Variants in MED13L observed in about 807,000 individuals in gnomAD.
MED13L encodes mediator of RNA polymerase II transcription subunit 13-like.
In MED13L, 7 loss-of-function variants were observed where a neutral mutation model predicts 220.9. The observed-to-expected ratio is 0.03, with a 90% CI of 0.02 to 0.06. The LOEUF (loss-of-function observed/expected upper bound fraction) is 0.06. Among genes scored for constraint, MED13L ranks in the 10% least tolerant of loss-of-function variants. The pLI is 1.00. For missense variants in MED13L, 1,965 were observed against 2,760.5 expected, an observed-to-expected ratio of 0.71 and a Z score of 6.46; for synonymous variants, 1,011 against 1,015.2, an observed-to-expected ratio of 1.00 and a Z score of 0.08.
At chr12:116,119,425 T>C (rs530205047) in intron 2 of MED13L, among the ~76,000 whole-genome samples, 4 of 152,234 alleles carry the variant, frequency 2.6e-5, no homozygotes, top group East Asian at 1.9e-4. Context: ...GTAGCGCCGA[T>C]TGTAAAAGTG....
chr12:116,110,917 TG>T (rs779948236), intron 3 of MED13L, among the ~76,000 whole-genome samples: 17 of 152,184 alleles, frequency 1.1e-4, no homozygotes, highest in Non-Finnish European at 2.5e-4. Flanking sequence ...AGAACTGTTC[TG>T]GATTTAAAGA....
In MED13L at chr12:116,277,346, C is replaced by CTGCCT. The variant is rs1873962280; in HGVS notation, c.-216_-215insAGGCA. 3 of 122,546 alleles carry CTGCCT rather than the reference C, an allele frequency of 2.4e-5. No homozygotes were observed. Among genetic ancestry groups the CTGCCT allele is most frequent in the East Asian group, 2.8e-4 (1 of 3,580 alleles). 7.6% of individuals were successfully genotyped at this position (122,546 alleles called of 1,614,324 possible). On this transcript the variant is annotated 5_prime_UTR_variant, in exon 1 of 31. Coordinates refer to ENST00000281928, the MANE Select transcript of MED13L (RefSeq NM_015335.5). ...CCCGGGCTGGCGGGGGGGGCGCGCG[C>CTGCCT]CCCGGGCCGGCGCTGCGGGCCGGCC...
intron 2 of MED13L, among the ~76,000 whole-genome samples, chr12:116,153,115 G>T (rs769584583): frequency 2.0e-5 from 3 of 152,110 alleles, no homozygotes; most frequent in Non-Finnish European, 2.9e-5. Flanking sequence ...TTAAATTAGT[G>T]TGTAACATAA....
At chr12:116,256,678 A>G (rs1208580858) in intron 1 of MED13L, among the ~76,000 whole-genome samples, 1 of 137,454 alleles carries the variant, frequency 7.3e-6, no homozygotes, top group East Asian at 2.3e-4. Context: ...AAGAAAACAA[A>G]CTACTTTTTT....
intron 3 of MED13L, chr12:116,110,338 C>T (rs1008472060): frequency 6.7e-6 from 1 of 150,308 alleles, no homozygotes; most frequent in African/African-American, 2.5e-5. Flanking sequence ...ATCCATGGGT[C>T]CCAATTTACA....
chr12:116,241,162 C>T (rs750389157), intron 1 of MED13L, among the ~76,000 whole-genome samples: 2 of 151,460 alleles, frequency 1.3e-5, no homozygotes, highest in East Asian at 2.0e-4. Flanking sequence ...CAAAAATTAG[C>T]GGGGCGTGGT....
At chr12:116,191,349 G>T (rs976080455) in intron 2 of MED13L, among the ~76,000 whole-genome samples, 1 of 151,754 alleles carries the variant, frequency 6.6e-6, no homozygotes, top group Non-Finnish European at 1.5e-5. Context: ...TTTTGTTTTT[G>T]AGGCAAAGTC....
intron 1 of MED13L, among the ~76,000 whole-genome samples, chr12:116,275,156 G>A (rs747634731): frequency 6.0e-4 from 91 of 152,022 alleles, no homozygotes; most frequent in Non-Finnish European, 1.5e-4. Flanking sequence ...ACCTGTAAGT[G>A]TCAATGTGGT....
chr12:116,261,091 G>T (rs1872478499), intron 1 of MED13L, among the ~76,000 whole-genome samples: 1 of 151,832 alleles, frequency 6.6e-6, no homozygotes, highest in African/African-American at 2.4e-5. Flanking sequence ...CTCTACCCAC[G>T]ACCTGCCAAA....
intron 2 of MED13L, among the ~76,000 whole-genome samples, chr12:116,162,156 G>C (rs1878901562): frequency 6.6e-6 from 1 of 152,066 alleles, no homozygotes; most frequent in South Asian, 2.1e-4. Flanking sequence ...GGAGATTCTA[G>C]CCTACCTGAG....
intron 2 of MED13L, among the ~76,000 whole-genome samples, chr12:116,205,946 T>TTG (rs1372355963): frequency 3.3e-5 from 5 of 151,046 alleles, no homozygotes; most frequent in Admixed American, 6.6e-5. Context: ...AAACTTGTTT[T>TTG]TTTTTTTTTT....
intron 1 of MED13L, among the ~76,000 whole-genome samples, chr12:116,270,914 C>T (rs982593472): frequency 1.5e-4 from 22 of 151,320 alleles, no homozygotes; most frequent in African/African-American, 4.4e-4. Flanking sequence ...TAGTGGCGCG[C>T]GCCTGTAGTC....
intron 3 of MED13L, among the ~76,000 whole-genome samples, chr12:116,098,834 T>A (rs776398369): frequency 6.6e-6 from 1 of 152,048 alleles, no homozygotes; most frequent in Non-Finnish European, 1.5e-5. Flanking sequence ...AAATAGGAAA[T>A]ATGGCACACC....
chr12:116,034,481 G>C (rs75041816), intron 4 of MED13L, among the ~76,000 whole-genome samples: 1 of 152,126 alleles, frequency 6.6e-6, no homozygotes, highest in Non-Finnish European at 1.5e-5. Context: ...ATCTCTCTAC[G>C]CATTCTTCTG....
In MED13L at chr12:116,243,460, G is replaced by T. The variant is rs186505041; in HGVS notation, c.73-5755C>A. On this transcript the variant is annotated intron_variant, in intron 1 of 30. Coordinates refer to ENST00000281928, the MANE Select transcript of MED13L (RefSeq NM_015335.5). ...CAGCTACTACAGTCAGTTCCAAACA[G>T]TTCTAATTAAATAGATTACAACAAA... Among the ~76,000 whole-genome samples the T allele has an allele frequency of 5.3e-5, 8 of 152,226 alleles. No individual in the cohort carries two copies. In the East Asian group the frequency reaches 1.5e-3, roughly 29 times the overall value.
At chr12:116,092,991 T>C (rs937025893) in intron 4 of MED13L, among the ~76,000 whole-genome samples, 5 of 152,188 alleles carry the variant, frequency 3.3e-5, no homozygotes, top group Admixed American at 1.3e-4. Context: ...CCCACTGTTA[T>C]TGAGGGCAAT....
rs192374414 is a variant in MED13L, at chr12:116,244,812, C to T, written c.73-7107G>A. On this transcript the variant is annotated intron_variant, in intron 1 of 30. Transcript: ENST00000281928. ...ACAAAAAATTAAAAAATAAGCCAAG[C>T]ATGGCGCTGCTTGCCTGTAGTCCCA... Among the ~76,000 whole-genome samples the T allele has an allele frequency of 1.2e-4, 18 of 152,222 alleles. No individual in the cohort carries two copies. The East Asian group carries it at 3.5e-3, about 29-fold the overall frequency.
rs773836478 is a variant in MED13L at position 116,007,624 on chromosome 12, T to C, written c.2025A>G (p.Gln675=). The C allele has an allele frequency of 5.6e-6, 9 of 1,601,870 alleles. No individual in the cohort carries two copies. Among genetic ancestry groups the C allele is most frequent in the African/African-American group, 2.8e-5 (2 of 72,576 alleles). The change falls in exon 11 of 31, where the codon CAA becomes CAG. Residue 675 remains glutamine (Q), a synonymous_variant. Coordinates refer to ENST00000281928, the MANE Select transcript of MED13L (RefSeq NM_015335.5). ...GCCAGATTTTAAACCGTTTGTTAGG[T>C]TGTGCTAAGAGTCTAAAAGACAAAA... ...ESTALQRLLA[Q]PNKRFKIWQD...
At chr12:116,099,491 T>C (rs900546446) in intron 3 of MED13L, among the ~76,000 whole-genome samples, 11 of 152,214 alleles carry the variant, frequency 7.2e-5, no homozygotes, top group African/African-American at 2.4e-4. Flanking sequence ...TTAAAAAATA[T>C]TCATTTCCTC....
Sources: gnomAD v4.1 joint callset for allele counts (sites outside exome capture counted in the v4.1 genomes callset) on GRCh38, gnomAD v4.1.1 for gene constraint, MANE v1.5 for transcripts, NCBI Gene and HGNC (gene_info 2026-07-23, HGNC 2026-07-21) for gene names.